The following GNPNAT1 variants were observed in gnomAD, a reference collection of about 807,000 sequenced individuals.
GNPNAT1 encodes the protein glucosamine 6-phosphate N-acetyltransferase.
GNPNAT1 carries 11 observed loss-of-function variants against 19.8 expected under a neutral mutation model. The observed-to-expected ratio is 0.56, with a 90% confidence interval of 0.35 to 0.92. GNPNAT1 has a LOEUF of 0.92. GNPNAT1 is among the 40% of genes least tolerant of loss of function. GNPNAT1 has a pLI of 0.01. For missense variants in GNPNAT1, 157 were observed against 211.0 expected, an observed-to-expected ratio of 0.74 and a Z score of 1.59; for synonymous variants, 71 against 72.3, an observed-to-expected ratio of 0.98 and a Z score of 0.09.
intron 1 of GNPNAT1, among the ~76,000 whole-genome samples, chr14:52,785,084 C>T (rs1336799887): frequency 6.6e-6 from 1 of 151,894 alleles, no homozygotes; most frequent in Non-Finnish European, 1.5e-5. Flanking sequence ...TGACACCACG[C>T]CCGGCTAATT....
rs1883026501 is a variant in GNPNAT1, at chr14:52,786,677, CTAAA to C, written c.-14-2017_-14-2014del. Among the ~76,000 whole-genome samples the C allele has an allele frequency of 2.6e-5, 4 of 151,730 alleles. No homozygotes were observed. In the South Asian group the frequency reaches 8.3e-4, roughly 31 times the overall value. ...TAGTTGTAATGTTTTAAAACTGAGACTAAATAACAGAGAAGTAACGATAGGAAGG... is the reference window on the plus strand; with the variant it reads ...TAGTTGTAATGTTTTAAAACTGAGACTAACAGAGAAGTAACGATAGGAAGG... On this transcript the variant is annotated intron_variant, in intron 1 of 5. Coordinates refer to ENST00000216410, the MANE Select transcript of GNPNAT1 (RefSeq NM_198066.4).
At chr14:52,779,388 A>G (rs994075700) in intron 5 of GNPNAT1, among the ~76,000 whole-genome samples, 4 of 152,122 alleles carry the variant, frequency 2.6e-5, no homozygotes, top group African/African-American at 9.7e-5. Context: ...GGGTCTGCCC[A>G]TGTTTGAACA....
At position 52,777,782 on chromosome 14, in the gene GNPNAT1, G is replaced by C. The variant is rs951370389; in HGVS notation, c.*529C>G. On this transcript the variant is annotated 3_prime_UTR_variant, in exon 6 of 6. Coordinates refer to ENST00000216410, the MANE Select transcript of GNPNAT1 (RefSeq NM_198066.4). ...AAAAGGTTGACCAGGTTGTTTGCCT[G>C]TATTGGGATCAACGAATGTTGGACT... The C allele has an allele frequency of 6.6e-6, 1 of 152,112 alleles. No homozygotes were observed. The highest frequency in any genetic ancestry group is 2.4e-5 in the African/African-American group (1 of 41,424). 9.4% of individuals were successfully genotyped at this position (152,112 alleles called of 1,614,324 possible).
intron 1 of GNPNAT1, among the ~76,000 whole-genome samples, chr14:52,790,557 G>C (rs1478768348): frequency 1.3e-5 from 2 of 152,168 alleles, no homozygotes; most frequent in Admixed American, 1.3e-4. Context: ...TGGAGCACCT[G>C]GAACTCCCAA....
intron 1 of GNPNAT1, among the ~76,000 whole-genome samples, chr14:52,785,159 C>T (rs1337230804): frequency 6.6e-6 from 1 of 151,772 alleles, no homozygotes; most frequent in African/African-American, 2.4e-5. Flanking sequence ...AACTCCCGAC[C>T]TCAGGTGATC....
At chr14:52,783,738 A>G (rs1390815959) in intron 2 of GNPNAT1, among the ~76,000 whole-genome samples, 4 of 152,182 alleles carry the variant, frequency 2.6e-5, no homozygotes, top group African/African-American at 9.6e-5. Context: ...CAGTATTTAT[A>G]GACCCAGAAC....
chr14:52,787,013 A>T (rs546838828), intron 1 of GNPNAT1, among the ~76,000 whole-genome samples: 5 of 152,080 alleles, frequency 3.3e-5, no homozygotes, highest in African/African-American at 1.2e-4. Flanking sequence ...AATATTTTAA[A>T]TAATTTTGTG....
chr14:52,781,296 T>C (rs924968647), intron 4 of GNPNAT1, among the ~76,000 whole-genome samples: 1 of 152,088 alleles, frequency 6.6e-6, no homozygotes, highest in Non-Finnish European at 1.5e-5. Flanking sequence ...CCACCGAAAT[T>C]CCTAAGTGTG....
Position 52,781,766 on chromosome 14 carries a change from T to G in GNPNAT1, c.345+18A>C. 1 of 1,569,566 alleles carries G rather than the reference T, an allele frequency of 6.4e-7. No homozygotes were observed. Among genetic ancestry groups the G allele is most frequent in the East Asian group, 2.4e-5 (1 of 42,458 alleles). ...TGCTAGAAAACAGCTGTCCATTTTA[T>G]TTATAAGCAGCACATACCTTAGCAC... On this transcript the variant is annotated intron_variant, in intron 4 of 5. Transcript: ENST00000216410.
intron 5 of GNPNAT1, 64 bp from the exon 6 acceptor site, chr14:52,778,522 A>T: frequency 7.3e-7 from 1 of 1,367,114 alleles, no homozygotes; most frequent in Non-Finnish European, 1.0e-6. Context: ...GATTCTAGTA[A>T]CAATATGAAT....
At chr14:52,787,838 A>G (rs541817416) in intron 1 of GNPNAT1, 1 of 152,194 alleles carries the variant, frequency 6.6e-6, no homozygotes, top group Admixed American at 6.5e-5. Flanking sequence ...TTTACCTTTA[A>G]TTCATGAATC....
chr14:52,785,363 A>G (rs1028790471), intron 1 of GNPNAT1, among the ~76,000 whole-genome samples: 2 of 152,198 alleles, frequency 1.3e-5, no homozygotes, highest in Non-Finnish European at 2.9e-5. Context: ...ATCTGTTTCA[A>G]CAGGAAATTG....
chr14:52,782,154 T>G (rs977170247), intron 3 of GNPNAT1, among the ~76,000 whole-genome samples: 1 of 152,086 alleles, frequency 6.6e-6, no homozygotes, highest in Admixed American at 6.6e-5. Context: ...TATAGCTATT[T>G]TAGATGAACA....
chr14:52,786,896 T>A (rs1334461143), intron 1 of GNPNAT1, among the ~76,000 whole-genome samples: 3 of 138,822 alleles, frequency 2.2e-5, no homozygotes, highest in East Asian at 4.5e-4. Flanking sequence ...TTTTCAGATT[T>A]GGGGATATTT....
At position 52,783,440 on chromosome 14, in the gene GNPNAT1, C is replaced by G; in HGVS notation, c.200G>C (p.Ser67Thr). The change falls in exon 3 of 6, where the codon AGC becomes ACC. Residue 67 changes from serine (S) to threonine (T), a missense_variant. Coordinates refer to ENST00000216410, the MANE Select transcript of GNPNAT1 (RefSeq NM_198066.4). The stretch of plus-strand genomic sequence containing the variant: ...GTACTTACTCATAAATTGTTCAGGG[C>G]TGACAACTCCAGTCTCTGTTAGCTG... The part of the protein sequence containing the change: ...LGQLTETGVV[S>T]PEQFMKSFEH... 8 of 1,609,410 alleles carry G rather than the reference C, an allele frequency of 5.0e-6. No individual in the cohort carries two copies. The highest frequency in any genetic ancestry group is 1.3e-5 in the African/African-American group (1 of 74,862).
At chr14:52,784,428 A>G in intron 2 of GNPNAT1, 69 bp downstream of exon 2, 3 of 1,259,354 alleles carry the variant, frequency 2.4e-6, no homozygotes, top group Non-Finnish European at 3.2e-6. Flanking sequence ...AAAAAAAATT[A>G]TCTGCATCAT....
chr14:52,786,218 G>A (rs1883015314), intron 1 of GNPNAT1, among the ~76,000 whole-genome samples: 1 of 151,596 alleles, frequency 6.6e-6, no homozygotes, highest in Non-Finnish European at 1.5e-5. Context: ...AAAATCTGTG[G>A]TATGGACCAG....
intron 5 of GNPNAT1, among the ~76,000 whole-genome samples, chr14:52,779,647 G>A (rs1308663446): frequency 8.2e-6 from 1 of 122,248 alleles, no homozygotes; most frequent in Admixed American, 1.1e-4. Flanking sequence ...TTGAGCCCCA[G>A]AAATTCAAGG....
chr14:52,788,472 T>C (rs960630412), intron 1 of GNPNAT1, among the ~76,000 whole-genome samples: 8 of 152,202 alleles, frequency 5.3e-5, no homozygotes, highest in Admixed American at 4.6e-4. Context: ...GTCCACGTGT[T>C]TTAGTGTTTT....
Sources: gnomAD v4.1 joint callset for allele counts (sites outside exome capture counted in the v4.1 genomes callset) on GRCh38, gnomAD v4.1.1 for gene constraint, MANE v1.5 for transcripts, NCBI Gene and HGNC (gene_info 2026-07-23, HGNC 2026-07-21) for gene names.